FOXP1: variants seen among roughly 807,000 people sequenced by gnomAD.
FOXP1 encodes the protein forkhead box P1.
FOXP1 carries 15 observed loss-of-function variants against 98.2 expected under a neutral mutation model. The observed-to-expected ratio is 0.15, with a 90% confidence interval of 0.10 to 0.24. The LOEUF (loss-of-function observed/expected upper bound fraction) is 0.24. Ranked by LOEUF, FOXP1 falls within the 10% of genes least tolerant of loss-of-function variation. The pLI is 1.00. For synonymous variants in FOXP1, 371 were observed against 314.5 expected, an observed-to-expected ratio of 1.18 and a Z score of -1.90; for missense variants, 633 against 848.5, an observed-to-expected ratio of 0.75 and a Z score of 3.15.
At chr3:71,172,651 T>C (rs2061707336) in intron 6 of FOXP1, among the ~76,000 whole-genome samples, 1 of 152,216 alleles carries the variant, frequency 6.6e-6, no homozygotes, top group Non-Finnish European at 1.5e-5. Flanking sequence ...TCCTAGGTTT[T>C]CTCACCAAGA....
chr3:70,976,566 C>T (rs547463870), intron 17 of FOXP1, among the ~76,000 whole-genome samples: 66 of 152,226 alleles, frequency 4.3e-4, no homozygotes, highest in African/African-American at 1.4e-3. Flanking sequence ...GGAGATAGAT[C>T]GCTGGAGATA....
intron 13 of FOXP1, among the ~76,000 whole-genome samples, chr3:70,997,258 C>G (rs1289396941): frequency 6.6e-6 from 1 of 152,034 alleles, no homozygotes; most frequent in African/African-American, 2.4e-5. Flanking sequence ...CTGATTGCCC[C>G]AATAATTCAG....
intron 4 of FOXP1, among the ~76,000 whole-genome samples, chr3:71,306,562 CACAT>C (rs1465304717): frequency 1.5e-5 from 2 of 130,722 alleles, no homozygotes; most frequent in Middle Eastern, 5.0e-3. Context: ...TATATACACA[CACAT>C]ATATATATGT....
intron 3 of FOXP1, among the ~76,000 whole-genome samples, chr3:71,476,299 C>CTTTTTT (rs764472343): frequency 6.9e-6 from 1 of 144,722 alleles, no homozygotes. Context: ...TCATCAAGTT[C>CTTTTTT]TTTTTTTTTT....
At chr3:71,461,951 C>T (rs2088170724) in intron 3 of FOXP1, among the ~76,000 whole-genome samples, 1 of 152,010 alleles carries the variant, frequency 6.6e-6, no homozygotes, top group South Asian at 2.1e-4. Flanking sequence ...CTTAACCCTC[C>T]CCAGAAGAAC....
chr3:71,184,009 C>T (rs997023001), intron 6 of FOXP1, among the ~76,000 whole-genome samples: 1 of 151,932 alleles, frequency 6.6e-6, no homozygotes, highest in Non-Finnish European at 1.5e-5. Context: ...AAAATTAGCC[C>T]GGCGAGGTGG....
chr3:71,550,441 A>G (rs745444879), intron 2 of FOXP1, among the ~76,000 whole-genome samples: 1 of 152,240 alleles, frequency 6.6e-6, no homozygotes. Context: ...GGTGACAGAT[A>G]AATTACACAA....
chr3:71,573,071 T>C (rs2047458367), intron 2 of FOXP1, among the ~76,000 whole-genome samples: 1 of 152,154 alleles, frequency 6.6e-6, no homozygotes, highest in Admixed American at 6.5e-5. Context: ...GTTCTTAGGA[T>C]TACCTTATAT....
At chr3:71,402,005 G>A (rs2081986528) in intron 3 of FOXP1, among the ~76,000 whole-genome samples, 1 of 152,136 alleles carries the variant, frequency 6.6e-6, no homozygotes, top group Non-Finnish European at 1.5e-5. Flanking sequence ...ATGAGAGACG[G>A]AATGGCACAC....
rs71120316 is a variant in FOXP1 at position 71,345,871 on chromosome 3, T to TAAAAAAAAAAAAAAAAAAAAAAAAAAAAA, written c.-73+13278_-73+13279insTTTTTTTTTTTTTTTTTTTTTTTTTTTTT. ...AGGTTTGAAATCAATAAAGTTTTTG[T>TAAAAAAAAAAAAAAAAAAAAAAAAAAAAA]AAAAAAAAAAAAAAAAAAAAAAAAA... On this transcript the variant is annotated intron_variant, in intron 4 of 20. Transcript: ENST00000649528. Among the ~76,000 whole-genome samples the TAAAAAAAAAAAAAAAAAAAAAAAAAAAAA allele has an allele frequency of 1.5e-4, 8 of 55,096 alleles. 2 individuals carry two copies. The highest frequency in any genetic ancestry group is 2.7e-4 in the Non-Finnish European group (8 of 29,648). 36.1% of individuals were successfully genotyped at this position (55,096 alleles called of 152,430 possible). A position where few individuals can be genotyped will look rare whatever the true frequency, so the allele number is the denominator to read the frequency against.
chr3:71,578,383 C>T (rs1209466011), intron 2 of FOXP1, among the ~76,000 whole-genome samples: 3 of 152,118 alleles, frequency 2.0e-5, no homozygotes, highest in South Asian at 2.1e-4. Flanking sequence ...GTTTTATTAA[C>T]GTATACCTAA....
chr3:71,278,535 C>CTGTG (rs1462008424), intron 5 of FOXP1, among the ~76,000 whole-genome samples: 1 of 152,214 alleles, frequency 6.6e-6, no homozygotes, highest in East Asian at 1.9e-4. Flanking sequence ...GTAATCCCAG[C>CTGTG]ACTTTGGGAT....
At chr3:71,514,753 A>G (rs991133790) in intron 2 of FOXP1, among the ~76,000 whole-genome samples, 1 of 152,198 alleles carries the variant, frequency 6.6e-6, no homozygotes, top group African/African-American at 2.4e-5. Context: ...TGTGACCTGC[A>G]TGTGGAGCCG....
intron 19 of FOXP1, chr3:70,969,583 TCTCCTCCTTC>T (rs1243147984): frequency 1.3e-5 from 2 of 152,246 alleles, no homozygotes; most frequent in East Asian, 1.9e-4. Context: ...CCTGTCAGTA[TCTCCTCCTTC>T]CTCATCCTGT....
At chr3:71,083,338 C>T (rs113206249) in intron 7 of FOXP1, among the ~76,000 whole-genome samples, 6,434 of 152,182 alleles carry the variant, frequency 0.042, 462 homozygotes, top group African/African-American at 0.15. Context: ...GAGGCCTCCC[C>T]GGAAGCTCAG....
At chr3:71,356,213 CAAAAAAA>C (rs3064928) in intron 4 of FOXP1, among the ~76,000 whole-genome samples, 32 of 75,372 alleles carry the variant, frequency 4.2e-4, no homozygotes, top group East Asian at 3.1e-3. Flanking sequence ...CTGACTAAGT[CAAAAAAA>C]AAAAAAAAAA....
intron 6 of FOXP1, among the ~76,000 whole-genome samples, chr3:71,182,782 T>C (rs1395472684): frequency 6.6e-6 from 1 of 151,940 alleles, no homozygotes; most frequent in South Asian, 2.1e-4. Flanking sequence ...TGAGCTCAGG[T>C]GATCTTCCAG....
intron 4 of FOXP1, among the ~76,000 whole-genome samples, chr3:71,353,025 A>C (rs1181987966): frequency 6.6e-6 from 1 of 152,176 alleles, no homozygotes; most frequent in Non-Finnish European, 1.5e-5. Flanking sequence ...AGATGTGGAC[A>C]AAGACAGGAC....
intron 3 of FOXP1, among the ~76,000 whole-genome samples, chr3:71,484,983 C>G (rs910536276): frequency 6.6e-6 from 1 of 152,194 alleles, no homozygotes; most frequent in Non-Finnish European, 1.5e-5. Flanking sequence ...CAACTGCCAT[C>G]ATTTTATAAG....
Sources: gnomAD v4.1 joint callset for allele counts (sites outside exome capture counted in the v4.1 genomes callset) on GRCh38, gnomAD v4.1.1 for gene constraint, MANE v1.5 for transcripts, NCBI Gene and HGNC (gene_info 2026-07-23, HGNC 2026-07-21) for gene names.